The following KCNH5 variants were observed in gnomAD, a reference collection of about 807,000 sequenced individuals.
The protein encoded by KCNH5 is voltage-gated delayed rectifier potassium channel KCNH5.
A neutral mutation model predicts 96.1 loss-of-function variants in KCNH5; 46 were observed. The ratio of observed to expected loss-of-function variants is 0.48; its 90% CI spans 0.38 to 0.61. The LOEUF is 0.61. KCNH5 is among the 20% of genes least tolerant of loss of function. The pLI is 0.00. For missense variants in KCNH5, 907 were observed against 1,225.8 expected (o/e 0.74, Z 3.88); for synonymous variants, 439 against 449.8 (o/e 0.98, Z 0.30).
At chr14:63,015,000 A>T (rs1413193837) in intron 2 of KCNH5, among the ~76,000 whole-genome samples, 3 of 152,068 alleles carry the variant, frequency 2.0e-5, no homozygotes. Flanking sequence ...ATATGGCCCA[A>T]CGATATCAGT....
At chr14:62,709,259 A>AAAAAAAG (rs869102740) in intron 10 of KCNH5, among the ~76,000 whole-genome samples, 1 of 143,092 alleles carries the variant, frequency 7.0e-6, no homozygotes, top group Non-Finnish European at 1.5e-5. Flanking sequence ...AAAAAAAAAA[A>AAAAAAAG]TTATCCTCTG....
intron 7 of KCNH5, among the ~76,000 whole-genome samples, chr14:62,861,330 C>T (rs1040966122): frequency 3.3e-5 from 5 of 151,148 alleles, no homozygotes; most frequent in Non-Finnish European, 5.9e-5. Flanking sequence ...AGTGCAGTGA[C>T]GTAATCACAG....
chr14:62,729,229 G>A (rs1884999871), intron 10 of KCNH5, among the ~76,000 whole-genome samples: 1 of 152,076 alleles, frequency 6.6e-6, no homozygotes, highest in Admixed American at 6.6e-5. Context: ...TTAAATAACA[G>A]CTATAGCTTG....
At chr14:63,027,690 A>T (rs1170297622) in intron 1 of KCNH5, among the ~76,000 whole-genome samples, 1 of 152,002 alleles carries the variant, frequency 6.6e-6, no homozygotes, top group Non-Finnish European at 1.5e-5. Context: ...TTTTTAAAAA[A>T]TTTTTAAGAA....
chr14:63,003,471 ATTATATATATT>A (rs1891050939), intron 3 of KCNH5, among the ~76,000 whole-genome samples: 1 of 131,202 alleles, frequency 7.6e-6, no homozygotes, highest in South Asian at 2.2e-4. Flanking sequence ...TTTTATATAT[ATTATATATATT>A]TTATATATAT....
At chr14:62,984,566 T>A (rs1343841545) in intron 5 of KCNH5, among the ~76,000 whole-genome samples, 2 of 152,216 alleles carry the variant, frequency 1.3e-5, no homozygotes, top group African/African-American at 2.4e-5. Flanking sequence ...ATTTGGTATT[T>A]CTTTTATGTC....
chr14:62,791,396 T>C (rs1886431372), intron 9 of KCNH5, among the ~76,000 whole-genome samples: 1 of 151,252 alleles, frequency 6.6e-6, no homozygotes, highest in African/African-American at 2.4e-5. Context: ...CAAGCAACAA[T>C]GACAAAAGGG....
chr14:62,724,293 T>C (rs1884876718), intron 10 of KCNH5, among the ~76,000 whole-genome samples: 1 of 152,208 alleles, frequency 6.6e-6, no homozygotes, highest in African/African-American at 2.4e-5. Flanking sequence ...TAGCCAGGAT[T>C]CTAACTAGCT....
Position 62,808,052 on chromosome 14 carries a change from A to G in KCNH5, c.1570-5471T>C, listed in dbSNP as rs550124584. ...ATATCTTAGGCTAGGCTCCACACCT[A>G]GTACATGATTAAAATTGCTTACCAA... On this transcript the variant is annotated intron_variant, in intron 8 of 10. Transcript: ENST00000322893. 2.0e-5 allele frequency among the ~76,000 whole-genome samples: 3 copies of G among 152,272 alleles called. No homozygotes were observed. In the East Asian group the frequency reaches 5.8e-4, roughly 29 times the overall value.
chr14:62,758,058 T>C (rs1885663317), intron 10 of KCNH5, among the ~76,000 whole-genome samples: 1 of 151,704 alleles, frequency 6.6e-6, no homozygotes, highest in Non-Finnish European at 1.5e-5. Context: ...GGCAGTAGAA[T>C]TGCTTGAACC....
At chr14:62,951,339 G>A (rs973657960) in intron 6 of KCNH5, among the ~76,000 whole-genome samples, 1 of 152,164 alleles carries the variant, frequency 6.6e-6, no homozygotes, top group African/African-American at 2.4e-5. Flanking sequence ...TTAAATCAAT[G>A]AAAGTCCCAT....
intron 10 of KCNH5, among the ~76,000 whole-genome samples, chr14:62,722,750 G>A (rs1026635609): frequency 2.0e-5 from 3 of 152,094 alleles, no homozygotes; most frequent in African/African-American, 7.2e-5. Flanking sequence ...GCTCTTCCAT[G>A]TTACCTCATT....
chr14:63,023,266 G>C (rs568305304), intron 1 of KCNH5, among the ~76,000 whole-genome samples: 1 of 151,972 alleles, frequency 6.6e-6, no homozygotes, highest in East Asian at 1.9e-4. Context: ...TACAGGGATA[G>C]AGCCCATGTA....
chr14:62,923,594 T>C (rs1889418695), intron 7 of KCNH5, among the ~76,000 whole-genome samples: 1 of 151,850 alleles, frequency 6.6e-6, no homozygotes, highest in Non-Finnish European at 1.5e-5. Flanking sequence ...ATAATCAGAA[T>C]AGTATGGTAC....
intron 4 of KCNH5, among the ~76,000 whole-genome samples, chr14:62,993,851 T>C (rs1364400188): frequency 1.3e-5 from 2 of 152,044 alleles, no homozygotes; most frequent in Admixed American, 1.3e-4. Context: ...TAATGTTACT[T>C]AGATGTGGTC....
intron 8 of KCNH5, among the ~76,000 whole-genome samples, chr14:62,808,745 T>C (rs1420718479): frequency 2.0e-5 from 3 of 152,142 alleles, no homozygotes; most frequent in African/African-American, 7.2e-5. Flanking sequence ...TAATTATAAT[T>C]GTTATGTAAA....
chr14:62,806,062 G>T (rs570324077), intron 8 of KCNH5, among the ~76,000 whole-genome samples: 1 of 152,198 alleles, frequency 6.6e-6, no homozygotes, highest in South Asian at 2.1e-4. Context: ...AAAGAAGCTG[G>T]TCTACCAAAA....
At chr14:62,975,528 A>AAAT (rs980759347) in intron 6 of KCNH5, among the ~76,000 whole-genome samples, 1 of 152,128 alleles carries the variant, frequency 6.6e-6, no homozygotes, top group African/African-American at 2.4e-5. Context: ...TGTAGATCCA[A>AAAT]AATAAAAGAC....
At chr14:62,825,113 A>G (rs1448234099) in intron 8 of KCNH5, among the ~76,000 whole-genome samples, 2 of 152,072 alleles carry the variant, frequency 1.3e-5, no homozygotes, top group African/African-American at 2.4e-5. Flanking sequence ...TTTCTTTTGC[A>G]TATATACCTA....
Sources: allele counts gnomAD v4.1 joint callset (sites outside exome capture counted in the v4.1 genomes callset), GRCh38; gene constraint gnomAD v4.1.1; transcripts MANE v1.5; gene names NCBI Gene and HGNC (gene_info 2026-07-23, HGNC 2026-07-21).